The following RIN2 variants were observed in gnomAD, a reference collection of about 807,000 sequenced individuals.
RIN2 encodes the protein RAB5 interacting protein 2.
Under a neutral mutation model 78.0 loss-of-function variants are expected in RIN2, and 36 were observed. That is an observed-to-expected ratio of 0.46 (90% CI 0.35 to 0.61). The LOEUF (loss-of-function observed/expected upper bound fraction) is 0.61. Among genes scored for constraint, RIN2 ranks in the 20% least tolerant of loss-of-function variants. The pLI, the probability that RIN2 is intolerant of heterozygous loss-of-function variation, is 0.00. For synonymous variants in RIN2, 466 were observed against 466.8 expected (o/e 1.00, Z 0.02); for missense variants, 1,087 against 1,159.7 (o/e 0.94, Z 0.91).
chr20:19,943,051 C>A (rs1317602956), intron 4 of RIN2, among the ~76,000 whole-genome samples: 1 of 152,236 alleles, frequency 6.6e-6, no homozygotes, highest in East Asian at 1.9e-4. Flanking sequence ...GGAACACTTG[C>A]CTTTCCGTGA....
At chr20:19,959,395 CT>C (rs2041664639) in intron 5 of RIN2, among the ~76,000 whole-genome samples, 1 of 152,144 alleles carries the variant, frequency 6.6e-6, no homozygotes, top group African/African-American at 2.4e-5. Flanking sequence ...TCTTACCCCC[CT>C]GGATGCTATT....
chr20:19,891,906 A>G lies in RIN2; in HGVS notation c.57+2248A>G, dbSNP rs150610546. ...TTAGGAAGGTGCCCTGAGGGGCCCA[A>G]TGTACTACCTATCATCAAGTCCATT... On this transcript the variant is annotated intron_variant, in intron 3 of 12. Coordinates refer to ENST00000255006, the MANE Select transcript of RIN2 (RefSeq NM_018993.4). Among the ~76,000 whole-genome samples, 238 of 152,378 alleles carry G rather than the reference A, an allele frequency of 1.6e-3. 1 individual carries two copies. The highest frequency in any genetic ancestry group is 5.6e-3 in the African/African-American group (234 of 41,596).
At chr20:19,839,445 G>C (rs538867835) in intron 2 of RIN2, among the ~76,000 whole-genome samples, 41 of 152,314 alleles carry the variant, frequency 2.7e-4, no homozygotes, top group Admixed American at 4.6e-4. Flanking sequence ...ATGGAAACTC[G>C]ATGAGGTTCC....
chr20:19,788,602 G>GA (rs34183798), intron 1 of RIN2, among the ~76,000 whole-genome samples: 192 of 121,758 alleles, frequency 1.6e-3, no homozygotes, highest in East Asian at 3.8e-3. Context: ...ACTTTGTCTC[G>GA]AAAAAAAAAA....
chr20:19,777,483 A>C (rs1267344104), intron 1 of RIN2, among the ~76,000 whole-genome samples: 1 of 152,148 alleles, frequency 6.6e-6, no homozygotes, highest in East Asian at 1.9e-4. Context: ...TTACTATAAA[A>C]CTGACCCATG....
At chr20:19,995,214 AACTT>A (rs1464889453) in intron 11 of RIN2, among the ~76,000 whole-genome samples, 3 of 150,776 alleles carry the variant, frequency 2.0e-5, no homozygotes, top group African/African-American at 2.5e-5. Context: ...TCGCCAAACT[AACTT>A]CTGGTCCCTG....
intron 1 of RIN2, among the ~76,000 whole-genome samples, chr20:19,777,163 T>C (rs1222079839): frequency 1.3e-5 from 2 of 152,134 alleles, no homozygotes; most frequent in African/African-American, 2.4e-5. Flanking sequence ...TTTTTAAATG[T>C]AGGAGGTTTA....
chr20:19,945,672 T>C (rs955058195), intron 4 of RIN2, among the ~76,000 whole-genome samples: 1 of 152,174 alleles, frequency 6.6e-6, no homozygotes, highest in Non-Finnish European at 1.5e-5. Context: ...TTTCTTTTTA[T>C]CTTTCTTATC....
At chr20:19,801,443 C>T (rs1275124669) in intron 2 of RIN2, among the ~76,000 whole-genome samples, 1 of 152,114 alleles carries the variant, frequency 6.6e-6, no homozygotes, top group African/African-American at 2.4e-5. Context: ...GCCTCAGCCT[C>T]CCGAGTAGCT....
At position 19,824,809 on chromosome 20, in the gene RIN2, C is replaced by T. The variant is rs190213312; in HGVS notation, c.-37+25062C>T. On this transcript the variant is annotated intron_variant, in intron 2 of 12. Coordinates refer to ENST00000255006, the MANE Select transcript of RIN2 (RefSeq NM_018993.4). ...TAGTTACAGAAACTCGGTTAGGTCC[C>T]GCCGATGATCATTTCCATGTGGAGA... Among the ~76,000 whole-genome samples the T allele has an allele frequency of 4.9e-3, 740 of 152,210 alleles. 5 individuals are homozygous for T. The highest frequency in any genetic ancestry group is 0.016 in the African/African-American group (682 of 41,532).
At chr20:19,940,788 T>C (rs1448380076) in intron 4 of RIN2, among the ~76,000 whole-genome samples, 2 of 152,232 alleles carry the variant, frequency 1.3e-5, no homozygotes, top group African/African-American at 4.8e-5. Flanking sequence ...TCACCAGGCC[T>C]GAGGTAGGTT....
chr20:19,910,308 G>T (rs1317929533), intron 3 of RIN2, among the ~76,000 whole-genome samples: 1 of 151,352 alleles, frequency 6.6e-6, no homozygotes, highest in African/African-American at 2.4e-5. Context: ...GAGTAGCTGG[G>T]ACTACAGGCA....
intron 6 of RIN2, among the ~76,000 whole-genome samples, chr20:19,961,146 T>G (rs568721042): frequency 6.6e-6 from 1 of 152,208 alleles, no homozygotes; most frequent in Non-Finnish European, 1.5e-5. Context: ...TGCCAGTGAC[T>G]AAGTTGCAAG....
intron 9 of RIN2, among the ~76,000 whole-genome samples, chr20:19,982,619 T>A (rs2042494231): frequency 6.6e-6 from 1 of 152,136 alleles, no homozygotes; most frequent in South Asian, 2.1e-4. Context: ...TTTCTTAATA[T>A]CTCTGTGCCT....
chr20:19,924,757 G>T (rs1276704991), intron 3 of RIN2, among the ~76,000 whole-genome samples: 1 of 10,218 alleles, frequency 9.8e-5, no homozygotes, highest in Non-Finnish European at 1.7e-4. Context: ...TTTTTTTTTT[G>T]AGACGGAGTT....
rs545323465 is a variant in RIN2, at chr20:19,912,475, C to CTTTTTTT, written c.58-22610_58-22604dup. ...TCATTTCTTTTTTCTTTTTCTTTTT[C>CTTTTTTT]TTTTTTTTTTTTTTTTTTTTGAGAT... On this transcript the variant is annotated intron_variant, in intron 3 of 12. Coordinates refer to ENST00000255006, the MANE Select transcript of RIN2 (RefSeq NM_018993.4). 8.3e-3 allele frequency among the ~76,000 whole-genome samples: 923 copies of CTTTTTTT among 110,744 alleles called. 1 individual carries two copies. The highest frequency in any genetic ancestry group is 0.015 in the East Asian group (52 of 3,478). 72.7% of individuals were successfully genotyped at this position (110,744 alleles called of 152,430 possible).
intron 2 of RIN2, among the ~76,000 whole-genome samples, chr20:19,841,523 T>C (rs1483654676): frequency 6.6e-6 from 1 of 152,134 alleles, no homozygotes; most frequent in Non-Finnish European, 1.5e-5. Flanking sequence ...AAAGTGTTCA[T>C]GTTTATTTGG....
Position 20,000,979 on chromosome 20 carries a change from G to C in RIN2, c.*43G>C, listed in dbSNP as rs754796444. 1 of 1,535,114 alleles carries C rather than the reference G, an allele frequency of 6.5e-7. No individual in the cohort carries two copies. The highest frequency in any genetic ancestry group is 1.2e-5 in the South Asian group (1 of 83,496). The stretch of plus-strand genomic sequence containing the variant: ...CCAGTGGTGCATCCAAAGGGGAGCT[G>C]GAAGCCTTGCCTTCCCGCTTCTACA... On this transcript the variant is annotated 3_prime_UTR_variant, in exon 13 of 13. Transcript: ENST00000255006.
intron 1 of RIN2, among the ~76,000 whole-genome samples, chr20:19,764,918 GTTTTTT>G (rs10605325): frequency 1.4e-4 from 7 of 50,362 alleles, no homozygotes; most frequent in Admixed American, 3.9e-4. Context: ...CACTTTCTGC[GTTTTTT>G]TTTTTTTTTT....
Sources: allele counts gnomAD v4.1 joint callset (sites outside exome capture counted in the v4.1 genomes callset), GRCh38; gene constraint gnomAD v4.1.1; transcripts MANE v1.5; gene names NCBI Gene and HGNC (gene_info 2026-07-23, HGNC 2026-07-21).